COL4A2: variants seen among roughly 807,000 people sequenced by gnomAD.
The protein encoded by COL4A2 is collagen type IV alpha 2 chain.
COL4A2 carries 99 observed loss-of-function variants against 200.2 expected under a neutral mutation model. The ratio of observed to expected loss-of-function variants is 0.49; its 90% CI spans 0.42 to 0.58. The LOEUF (loss-of-function observed/expected upper bound fraction) is 0.58, where lower values mean the gene tolerates loss of function less well. Ranked by LOEUF, COL4A2 falls within the 20% of genes least tolerant of loss-of-function variation. The pLI, the probability that COL4A2 is intolerant of heterozygous loss-of-function variation, is 0.00. For missense variants in COL4A2, 1,950 were observed against 2,314.1 expected, an observed-to-expected ratio of 0.84 and a Z score of 3.23; for synonymous variants, 897 against 900.6, an observed-to-expected ratio of 1.00 and a Z score of 0.07.
intron 13 of COL4A2, among the ~76,000 whole-genome samples, chr13:110,436,912 C>T (rs920100569): frequency 1.1e-4 from 17 of 151,860 alleles, no homozygotes; most frequent in Non-Finnish European, 1.9e-4. Context: ...CCCACCCACT[C>T]GGAGGTCCCA....
chr13:110,470,855 C>T (rs981989214), intron 28 of COL4A2, among the ~76,000 whole-genome samples: 4 of 152,170 alleles, frequency 2.6e-5, no homozygotes, highest in Admixed American at 6.5e-5. Flanking sequence ...TGTTGCAGCC[C>T]GTAGGGATTG....
At chr13:110,329,900 A>G (rs1875821274) in intron 3 of COL4A2, among the ~76,000 whole-genome samples, 1 of 152,220 alleles carries the variant, frequency 6.6e-6, no homozygotes, top group Non-Finnish European at 1.5e-5. Flanking sequence ...CAGAGGGTGA[A>G]GGGTGAGTTG....
chr13:110,380,242 T>TG (rs1246832471), intron 4 of COL4A2, among the ~76,000 whole-genome samples: 1 of 152,232 alleles, frequency 6.6e-6, no homozygotes, highest in Non-Finnish European at 1.5e-5. Context: ...AAGGAAGTCT[T>TG]CTGAGAGGCT....
At chr13:110,461,255 C>T (rs1882014480) in intron 22 of COL4A2, among the ~76,000 whole-genome samples, 1 of 152,238 alleles carries the variant, frequency 6.6e-6, no homozygotes. Context: ...ATCCTCCATA[C>T]CTGGATTAAC....
chr13:110,497,464 C>T (rs899750242), intron 40 of COL4A2, among the ~76,000 whole-genome samples: 1 of 151,426 alleles, frequency 6.6e-6, no homozygotes, highest in Non-Finnish European at 1.5e-5. Flanking sequence ...CTAGGTCAGT[C>T]CACCAGCACA....
chr13:110,431,988 T>C (rs1880697533), intron 10 of COL4A2, among the ~76,000 whole-genome samples: 1 of 152,134 alleles, frequency 6.6e-6, no homozygotes, highest in Admixed American at 6.5e-5. Flanking sequence ...CCAGAGGAAG[T>C]CAGGGAAGCT....
intron 47 of COL4A2, among the ~76,000 whole-genome samples, chr13:110,510,089 C>A (rs1369688763): frequency 2.6e-5 from 4 of 152,248 alleles, no homozygotes; most frequent in African/African-American, 9.6e-5. Context: ...ATAATAAGAG[C>A]TGACTTTGGA....
At chr13:110,327,875 ACT>A (rs1875700065) in intron 3 of COL4A2, among the ~76,000 whole-genome samples, 1 of 152,164 alleles carries the variant, frequency 6.6e-6, no homozygotes, top group Non-Finnish European at 1.5e-5. Flanking sequence ...CAGCTTTGCA[ACT>A]CTTCGGTCAC....
chr13:110,326,138 G>T (rs112087622), intron 3 of COL4A2, among the ~76,000 whole-genome samples: 1 of 152,130 alleles, frequency 6.6e-6, no homozygotes, highest in Non-Finnish European at 1.5e-5. Context: ...CCTGCCCTTC[G>T]CCCAGGGGTG....
intron 4 of COL4A2, among the ~76,000 whole-genome samples, chr13:110,385,632 TA>T (rs1878686499): frequency 6.7e-6 from 1 of 149,842 alleles, no homozygotes. Context: ...AGTGTGTGGA[TA>T]GGCCGTGGCT....
chr13:110,415,870 T>C (rs1393907385), intron 4 of COL4A2, among the ~76,000 whole-genome samples: 1 of 152,208 alleles, frequency 6.6e-6, no homozygotes, highest in Admixed American at 6.5e-5. Context: ...CATGGGGTAA[T>C]GACAGTCACA....
At chr13:110,459,118 T>A in intron 22 of COL4A2, 184 bp downstream of exon 22, 1 of 538,002 alleles carries the variant, frequency 1.9e-6, no homozygotes, top group Non-Finnish European at 3.1e-6. Context: ...TGTCCACTGG[T>A]GAGACTGAGA....
intron 47 of COL4A2, among the ~76,000 whole-genome samples, chr13:110,511,139 T>C (rs1884069274): frequency 1.3e-5 from 2 of 151,692 alleles, no homozygotes. Flanking sequence ...CCAAGCCAAA[T>C]GGCCCTTATA....
chr13:110,353,883 T>C (rs1185864261), intron 3 of COL4A2, among the ~76,000 whole-genome samples: 1 of 152,206 alleles, frequency 6.6e-6, no homozygotes, highest in African/African-American at 2.4e-5. Flanking sequence ...TCCCTCACAA[T>C]ATAGCACTGG....
chr13:110,473,210 C>A, intron 29 of COL4A2, 60 bp downstream of exon 29: 3 of 1,474,476 alleles, frequency 2.0e-6, no homozygotes, highest in Admixed American at 2.0e-5. Flanking sequence ...CCTCCAAGGG[C>A]GACCCCAATC....
chr13:110,499,817 T>C, intron 40 of COL4A2, among the ~76,000 whole-genome samples: 1 of 152,214 alleles, frequency 6.6e-6, no homozygotes, highest in Non-Finnish European at 1.5e-5. Context: ...TTAAGTTAAT[T>C]ATGTTTTCGT....
intron 3 of COL4A2, among the ~76,000 whole-genome samples, chr13:110,356,515 C>T (rs1467278340): frequency 3.9e-5 from 6 of 152,184 alleles, no homozygotes; most frequent in African/African-American, 4.8e-5. Context: ...CCGTTTGCAC[C>T]GACACCTCCT....
At chr13:110,502,237 C>T (rs1307771859) in intron 41 of COL4A2, among the ~76,000 whole-genome samples, 1 of 152,220 alleles carries the variant, frequency 6.6e-6, no homozygotes, top group East Asian at 1.9e-4. Context: ...GAAAGCAACC[C>T]GAGTGTCCAT....
chr13:110,381,232 CT>C (rs1878478016), intron 4 of COL4A2, among the ~76,000 whole-genome samples: 1 of 151,572 alleles, frequency 6.6e-6, no homozygotes, highest in Admixed American at 6.6e-5. Context: ...CCCATGGACT[CT>C]GTCTCACACC....
Sources: gnomAD v4.1 joint callset for allele counts (sites outside exome capture counted in the v4.1 genomes callset) on GRCh38, gnomAD v4.1.1 for gene constraint, MANE v1.5 for transcripts, NCBI Gene and HGNC (gene_info 2026-07-23, HGNC 2026-07-21) for gene names.